Variants in CMTM8 observed in about 807,000 individuals in gnomAD.
The protein encoded by CMTM8 is CKLF like MARVEL transmembrane domain containing 8, also known as CKLF-like MARVEL transmembrane domain-containing protein 8.
Under a neutral mutation model 18.6 loss-of-function variants are expected in CMTM8, and 12 were observed. The observed-to-expected ratio is 0.65, with a 90% CI of 0.41 to 1.05. CMTM8 has a LOEUF of 1.05. Among genes scored for constraint, CMTM8 ranks in the 50% least tolerant of loss-of-function variants. The pLI, the probability that CMTM8 is intolerant of heterozygous loss-of-function variation, is 0.00. For synonymous variants in CMTM8, 87 were observed against 90.6 expected (o/e 0.96, Z 0.23); for missense variants, 217 against 227.2 (o/e 0.95, Z 0.29).
intron 2 of CMTM8, among the ~76,000 whole-genome samples, chr3:32,359,890 CTT>C (rs1233786028): frequency 6.6e-6 from 1 of 152,152 alleles, no homozygotes. Context: ...AGTCTTGTGA[CTT>C]TGCACAGATT....
intron 1 of CMTM8, among the ~76,000 whole-genome samples, chr3:32,291,530 A>G (rs1361595492): frequency 3.9e-5 from 6 of 152,166 alleles, no homozygotes; most frequent in Non-Finnish European, 7.3e-5. Context: ...TCTCCCTTAT[A>G]TAAATGAGGA....
rs560332008 is a variant in CMTM8, at chr3:32,301,563, G to C, written c.148-55810G>C. On this transcript the variant is annotated intron_variant, in intron 1 of 3. Transcript: ENST00000307526. Reference sequence around the variant, plus strand: ...GGAGAGTGGTGGATGAAGAGGGATAGGGGAGACACAGCCCTTGGGAGGGGT... The same window carrying C: ...GGAGAGTGGTGGATGAAGAGGGATACGGGAGACACAGCCCTTGGGAGGGGT... 7.9e-5 allele frequency among the ~76,000 whole-genome samples: 12 copies of C among 152,136 alleles called. No homozygotes were observed. In the East Asian group the frequency reaches 2.3e-3, roughly 29 times the overall value.
intron 1 of CMTM8, among the ~76,000 whole-genome samples, chr3:32,254,750 G>C (rs1344635858): frequency 6.6e-6 from 1 of 151,954 alleles, no homozygotes; most frequent in Non-Finnish European, 1.5e-5. Context: ...TTGAGATACA[G>C]TTTACATACT....
intron 1 of CMTM8, among the ~76,000 whole-genome samples, chr3:32,350,340 T>C (rs1441011179): frequency 6.6e-6 from 1 of 151,740 alleles, no homozygotes; most frequent in Non-Finnish European, 1.5e-5. Context: ...AGTTATCCAT[T>C]GTTCATATGT....
rs573676073 is a variant in CMTM8, at chr3:32,294,023, TCTC to T, written c.147+54909_147+54911del. Reference sequence around the variant, plus strand: ...TCATTTTGGTGGCCACCTCCAGATTTCTCCTCCATGAGAGTCGTGCCCTTTGGT... The same window carrying T: ...TCATTTTGGTGGCCACCTCCAGATTTCTCCATGAGAGTCGTGCCCTTTGGT... On this transcript the variant is annotated intron_variant, in intron 1 of 3. Transcript: ENST00000307526. 3.5e-4 allele frequency among the ~76,000 whole-genome samples: 54 copies of T among 152,258 alleles called. No homozygotes were observed. In the South Asian group the frequency reaches 7.3e-3, roughly 20 times the overall value.
chr3:32,366,534 ACC>A (rs1697040522), intron 2 of CMTM8, among the ~76,000 whole-genome samples: 1 of 152,186 alleles, frequency 6.6e-6, no homozygotes, highest in African/African-American at 2.4e-5. Flanking sequence ...GAGCCCTGAA[ACC>A]CATCCTCAAA....
Position 32,266,608 on chromosome 3 carries a change from A to G in CMTM8, c.147+27489A>G, listed in dbSNP as rs944466227. 7.9e-5 allele frequency among the ~76,000 whole-genome samples: 12 copies of G among 152,346 alleles called. No homozygotes were observed. In the East Asian group the frequency reaches 9.6e-4, roughly 12 times the overall value. ...AGTGTTGGAAGTTCTGGCCAGGGCA[A>G]TCAGGCAGGAGAAGGAAATAAAGGG... On this transcript the variant is annotated intron_variant, in intron 1 of 3. Coordinates refer to ENST00000307526, the MANE Select transcript of CMTM8 (RefSeq NM_178868.5).
At chr3:32,291,172 A>G (rs1256515088) in intron 1 of CMTM8, among the ~76,000 whole-genome samples, 1 of 151,882 alleles carries the variant, frequency 6.6e-6, no homozygotes, top group Admixed American at 6.6e-5. Flanking sequence ...TCTCTCTCTC[A>G]GTCTGGAGTG....
At chr3:32,356,555 A>G (rs1275165106) in intron 1 of CMTM8, among the ~76,000 whole-genome samples, 1 of 152,194 alleles carries the variant, frequency 6.6e-6, no homozygotes, top group Non-Finnish European at 1.5e-5. Flanking sequence ...TGCTAGGGTA[A>G]ATGCACAACG....
intron 2 of CMTM8, among the ~76,000 whole-genome samples, chr3:32,359,235 T>C (rs746892039): frequency 3.3e-5 from 5 of 152,212 alleles, no homozygotes; most frequent in Admixed American, 6.5e-5. Flanking sequence ...CAACTCTGCC[T>C]GCAGCATTGA....
intron 1 of CMTM8, among the ~76,000 whole-genome samples, chr3:32,321,371 G>A (rs1158011821): frequency 6.6e-6 from 1 of 152,166 alleles, no homozygotes; most frequent in East Asian, 1.9e-4. Context: ...GGGTGTGCAT[G>A]TGGACCCCTG....
chr3:32,240,047 GTGCCC>G (rs1424681890), intron 1 of CMTM8, among the ~76,000 whole-genome samples: 1 of 152,244 alleles, frequency 6.6e-6, no homozygotes, highest in Admixed American at 6.5e-5. Context: ...TGCCCCAGCA[GTGCCC>G]CTCTGTCATC....
intron 1 of CMTM8, among the ~76,000 whole-genome samples, chr3:32,300,336 C>G (rs1223666902): frequency 6.6e-6 from 1 of 152,176 alleles, no homozygotes; most frequent in African/African-American, 2.4e-5. Flanking sequence ...TACAACCAAA[C>G]AAGGTCAGTC....
chr3:32,269,803 G>A (rs1168875243), intron 1 of CMTM8, among the ~76,000 whole-genome samples: 1 of 152,132 alleles, frequency 6.6e-6, no homozygotes, highest in African/African-American at 2.4e-5. Flanking sequence ...TAAGAGATGG[G>A]ATCTTGCTGT....
intron 1 of CMTM8, among the ~76,000 whole-genome samples, chr3:32,293,097 A>ATATATG (rs533960018): frequency 2.7e-5 from 4 of 150,912 alleles, no homozygotes; most frequent in African/African-American, 9.7e-5. Flanking sequence ...ATATATATAT[A>ATATATG]TTTAACTTTT....
intron 1 of CMTM8, among the ~76,000 whole-genome samples, chr3:32,311,774 C>T (rs1192830784): frequency 6.6e-6 from 1 of 152,162 alleles, no homozygotes; most frequent in African/African-American, 2.4e-5. Context: ...AGCACAGATC[C>T]CACAGGTTGA....
At chr3:32,255,278 A>G (rs548300408) in intron 1 of CMTM8, among the ~76,000 whole-genome samples, 1 of 152,314 alleles carries the variant, frequency 6.6e-6, no homozygotes, top group African/African-American at 2.4e-5. Flanking sequence ...AATATATTTC[A>G]TGCTGTTAAG....
At chr3:32,356,842 A>G (rs1400313711) in intron 1 of CMTM8, among the ~76,000 whole-genome samples, 1 of 152,178 alleles carries the variant, frequency 6.6e-6, no homozygotes, top group Admixed American at 6.5e-5. Context: ...TAATATTTAA[A>G]ATCAAGATTA....
At chr3:32,244,428 C>T (rs1047867227) in intron 1 of CMTM8, among the ~76,000 whole-genome samples, 1 of 152,210 alleles carries the variant, frequency 6.6e-6, no homozygotes, top group Non-Finnish European at 1.5e-5. Flanking sequence ...TCAAGCAGTT[C>T]TCCTCCTTAG....
Sources: gnomAD v4.1 joint callset for allele counts (sites outside exome capture counted in the v4.1 genomes callset) on GRCh38, gnomAD v4.1.1 for gene constraint, MANE v1.5 for transcripts, NCBI Gene and HGNC (gene_info 2026-07-23, HGNC 2026-07-21) for gene names.